Variants in CLIC6 observed in about 807,000 individuals in gnomAD.
The protein encoded by CLIC6 is CLIC family member 6.
CLIC6 carries 39 observed loss-of-function variants against 49.2 expected under a neutral mutation model. The observed-to-expected ratio is 0.79, with a 90% CI of 0.61 to 1.04. CLIC6 has a LOEUF of 1.04. Ranked by LOEUF, CLIC6 falls within the 50% of genes least tolerant of loss-of-function variation. The probability of loss-of-function intolerance (pLI) is 0.00; values close to 1 mark genes in which losing one functional copy is unlikely to be tolerated. For missense variants in CLIC6, 988 were observed against 993.1 expected, an observed-to-expected ratio of 0.99 and a Z score of 0.07; for synonymous variants, 446 against 433.4, an observed-to-expected ratio of 1.03 and a Z score of -0.36.
chr21:34,670,284 CG>C lies in CLIC6; in HGVS notation c.901del (p.Asp301ThrfsTer39). 1 of 1,441,372 alleles carries C rather than the reference CG, an allele frequency of 6.9e-7. No homozygotes were observed. 89.3% of individuals were successfully genotyped at this position (1,441,372 alleles called of 1,614,324 possible). On this transcript the variant is annotated frameshift_variant, in exon 1 of 6. Transcript: ENST00000349499. LOFTEE classifies it high-confidence loss of function. ...CGGGTCTCGGGTGAGCCGCAGCAAT[CG>C]GGGGACGGCAGCCTCTCGCCCCAGG... is the stretch of plus-strand genomic sequence containing the variant. ...ARRVSGEPQQ[S>X]GDGSLSPQAE...
chr21:34,704,105 GA>G (rs2055998293), intron 1 of CLIC6, among the ~76,000 whole-genome samples: 1 of 152,158 alleles, frequency 6.6e-6, no homozygotes, highest in African/African-American at 2.4e-5. Flanking sequence ...AGCACTGGGG[GA>G]AAATGAAGGC....
chr21:34,671,302 C>T (rs778034492), intron 1 of CLIC6, among the ~76,000 whole-genome samples: 3 of 152,066 alleles, frequency 2.0e-5, no homozygotes, highest in Non-Finnish European at 4.4e-5. Flanking sequence ...TCAATGTTTT[C>T]AACTCCAAAA....
At position 34,670,738 on chromosome 21, in the gene CLIC6, G is replaced by C. The variant is rs1989547199; in HGVS notation, c.1350G>C (p.Glu450Asp). ...EASEPRALGQEHDITLFVKAG... is the reference protein window; with the variant it reads ...EASEPRALGQDHDITLFVKAG... ...CCGAGCCCCGGGCCCTGGGGCAGGA[G>C]CACGACATCACCCTCTTCGTCAAGG... The change falls in exon 1 of 6, where the codon GAG (glutamate) becomes GAC (aspartate). Residue 450 changes from glutamate (E) to aspartate (D), a missense_variant. By Grantham distance (45) the Glu-to-Asp change is conservative. This residue lies in a region of CLIC6 where 647 missense variants were observed against 596.9 expected (regional missense o/e 1.08). Coordinates refer to ENST00000349499, the MANE Select transcript of CLIC6 (RefSeq NM_053277.3). The C allele has an allele frequency of 1.9e-6, 3 of 1,600,476 alleles. No homozygotes were observed. Among genetic ancestry groups the C allele is most frequent in the Non-Finnish European group, 2.5e-6 (3 of 1,177,866 alleles).
At chr21:34,687,530 T>A (rs1240903967) in intron 1 of CLIC6, among the ~76,000 whole-genome samples, 6 of 152,178 alleles carry the variant, frequency 3.9e-5, no homozygotes, top group African/African-American at 1.2e-4. Flanking sequence ...CAAATACCAG[T>A]TTGTTTGCTC....
At position 34,669,514 on chromosome 21, in the gene CLIC6, G is replaced by A; in HGVS notation, c.126G>A (p.Glu42=). ...CGGGCGGGGAGGCAGAAGGGCCGGAGGGGAGCGAGGGCGCAGAGGAGGCGC... is the reference window on the plus strand; with the variant it reads ...CGGGCGGGGAGGCAGAAGGGCCGGAAGGGAGCGAGGGCGCAGAGGAGGCGC... ...GAAGGEAEGP[E]GSEGAEEAPR... Residue 42 remains glutamate (E), a synonymous_variant, in exon 1 of 6, where the codon GAG becomes GAA. Coordinates refer to ENST00000349499, the MANE Select transcript of CLIC6 (RefSeq NM_053277.3). 3.2e-6 allele frequency: 4 copies of A among 1,241,118 alleles called. No homozygotes were observed. The highest frequency in any genetic ancestry group is 4.0e-6 in the Non-Finnish European group (4 of 994,044). The allele number at this position is 1,241,118 out of a possible 1,614,324, so 76.9% of individuals were successfully genotyped here. A position where few individuals can be genotyped will look rare whatever the true frequency, so the allele number is the denominator to read the frequency against.
intron 5 of CLIC6, among the ~76,000 whole-genome samples, chr21:34,712,341 T>G (rs149760663): frequency 6.6e-6 from 1 of 152,212 alleles, no homozygotes; most frequent in Non-Finnish European, 1.5e-5. Flanking sequence ...AGCTTCATCT[T>G]TTTTGTAAAA....
At chr21:34,698,789 C>A (rs1210746154) in intron 1 of CLIC6, among the ~76,000 whole-genome samples, 3 of 152,164 alleles carry the variant, frequency 2.0e-5, no homozygotes, top group Admixed American at 2.0e-4. Context: ...AACATTCCAG[C>A]AGAATGACCT....
intron 1 of CLIC6, among the ~76,000 whole-genome samples, chr21:34,703,581 G>A (rs1181378672): frequency 1.3e-5 from 2 of 152,208 alleles, no homozygotes; most frequent in African/African-American, 4.8e-5. Context: ...TGAACAAAAA[G>A]AAGGAATTAA....
At chr21:34,693,624 A>G (rs1990037059) in intron 1 of CLIC6, among the ~76,000 whole-genome samples, 1 of 152,166 alleles carries the variant, frequency 6.6e-6, no homozygotes, top group South Asian at 2.1e-4. Context: ...CCAAGTTGAA[A>G]AATTGGCGAA....
Position 34,707,966 on chromosome 21 carries a change from C to T in CLIC6, c.1507C>T (p.Leu503=), listed in dbSNP as rs1401328825. 4 of 1,614,172 alleles carry T rather than the reference C, an allele frequency of 2.5e-6. No homozygotes were observed. Among genetic ancestry groups the T allele is most frequent in the African/African-American group, 2.7e-5 (2 of 75,040 alleles). Residue 503 remains leucine, a synonymous_variant, in exon 3 of 6, where the codon CTG becomes TTG. Transcript: ENST00000349499. ...LKRKPADLQN[L]APGTNPPFMT... is the part of the protein sequence containing the mutation. Reference sequence around the variant, plus strand: ...TAGGAAACCCGCAGACCTGCAGAACCTGGCTCCCGGAACAAACCCTCCTTT... The same window carrying T: ...TAGGAAACCCGCAGACCTGCAGAACTTGGCTCCCGGAACAAACCCTCCTTT...
rs146875209 is a variant in CLIC6 at position 34,703,641 on chromosome 21, G to A, written c.1375-3639G>A. On this transcript the variant is annotated intron_variant, in intron 1 of 5. Transcript: ENST00000349499. The stretch of plus-strand genomic sequence containing the variant: ...GGGTAGAGTAAGCATGAAAAGAGCC[G>A]GCAGGAGAGTCTGTAATTTAGAGAG... Among the ~76,000 whole-genome samples the A allele has an allele frequency of 3.3e-5, 5 of 152,118 alleles. No homozygotes were observed. In the East Asian group the frequency reaches 7.7e-4, roughly 23 times the overall value.
chr21:34,690,941 T>G (rs752162456), intron 1 of CLIC6, among the ~76,000 whole-genome samples: 2 of 148,234 alleles, frequency 1.3e-5, no homozygotes, highest in Non-Finnish European at 1.5e-5. Flanking sequence ...GTCAGGCTGG[T>G]GTTTCTCCCT....
intron 1 of CLIC6, among the ~76,000 whole-genome samples, chr21:34,690,715 G>A (rs1230352011): frequency 1.3e-5 from 2 of 152,112 alleles, no homozygotes; most frequent in African/African-American, 2.4e-5. Flanking sequence ...AGGAGCCTTT[G>A]AATATCTGCT....
chr21:34,707,273 C>A lies in CLIC6; in HGVS notation c.1375-7C>A, dbSNP rs752494132. The A allele has an allele frequency of 6.2e-7, 1 of 1,606,572 alleles. No homozygotes were observed. Among genetic ancestry groups the A allele is most frequent in the Admixed American group, 1.7e-5 (1 of 60,022 alleles). Reference sequence around the variant, plus strand: ...GCTCAGATAGAAATCTCCTTCTCCACTTGTAGGCTGGTTATGATGGTGAGA... The same window carrying A: ...GCTCAGATAGAAATCTCCTTCTCCAATTGTAGGCTGGTTATGATGGTGAGA... On this transcript the variant is annotated splice_polypyrimidine_tract_variant and splice_region_variant and intron_variant, in intron 1 of 5. Transcript: ENST00000349499.
chr21:34,671,121 T>TAAAAAA (rs58413747), intron 1 of CLIC6, among the ~76,000 whole-genome samples: 2 of 115,962 alleles, frequency 1.7e-5, no homozygotes, highest in Non-Finnish European at 3.5e-5. Flanking sequence ...ACTAAAAAGT[T>TAAAAAA]AAAAAAAAAA....
chr21:34,680,031 G>C (rs1006320241), intron 1 of CLIC6, among the ~76,000 whole-genome samples: 1 of 152,266 alleles, frequency 6.6e-6, no homozygotes, highest in Non-Finnish European at 1.5e-5. Context: ...TGGGGACTCT[G>C]TGTGGGGGCT....
rs1291827989 is a variant in CLIC6 at position 34,717,395 on chromosome 21, CG to C, written c.*914del. The C allele has an allele frequency of 1.3e-5, 2 of 152,224 alleles. No homozygotes were observed. Among genetic ancestry groups the C allele is most frequent in the Admixed American group, 1.3e-4 (2 of 15,270 alleles). 9.4% of individuals were successfully genotyped at this position (152,224 alleles called of 1,614,324 possible). The stretch of plus-strand genomic sequence containing the variant: ...TGCAGTCCCTCAGTGCTGGTGGTAT[CG>C]TGTGGGGATAGCAATACTTCTCTGC... On this transcript the variant is annotated 3_prime_UTR_variant, in exon 6 of 6. Coordinates refer to ENST00000349499, the MANE Select transcript of CLIC6 (RefSeq NM_053277.3).
Position 34,669,379 on chromosome 21 carries a change from A to G in CLIC6, c.-10A>G. On this transcript the variant is annotated 5_prime_UTR_variant, in exon 1 of 6. Transcript: ENST00000349499. Reference sequence around the variant, plus strand: ...GAAGGAGTCCCGATCAAGGACAGGGATCTGCGGCCATGGCCGAGGCCGCGG... The same window carrying G: ...GAAGGAGTCCCGATCAAGGACAGGGGTCTGCGGCCATGGCCGAGGCCGCGG... The G allele has an allele frequency of 2.4e-6, 3 of 1,237,964 alleles. No homozygotes were observed. The highest frequency in any genetic ancestry group is 3.0e-6 in the Non-Finnish European group (3 of 991,194). The allele number at this position is 1,237,964 out of a possible 1,614,324, so 76.7% of individuals were successfully genotyped here.
chr21:34,709,252 C>A, intron 4 of CLIC6, 105 bp from the exon 5 acceptor site: 2 of 969,986 alleles, frequency 2.1e-6, no homozygotes, highest in Non-Finnish European at 3.1e-6. Context: ...CCATTGCTTG[C>A]TGGCCACATC....
Sources: gnomAD v4.1 joint callset for allele counts (sites outside exome capture counted in the v4.1 genomes callset) on GRCh38, gnomAD v4.1.1 for gene constraint, gnomAD v4.1.1 regional missense constraint, MANE v1.5 for transcripts, NCBI Gene and HGNC (gene_info 2026-07-23, HGNC 2026-07-21) for gene names.